The following PPP2R5E variants were observed in gnomAD, a reference collection of about 807,000 sequenced individuals.
PPP2R5E encodes serine/threonine-protein phosphatase 2A 56 kDa regulatory subunit epsilon isoform.
A neutral mutation model predicts 65.3 loss-of-function variants in PPP2R5E; 4 were observed. The observed-to-expected ratio is 0.06, with a 90% CI of 0.03 to 0.14. The LOEUF (loss-of-function observed/expected upper bound fraction) is 0.14, where lower values mean the gene tolerates loss of function less well. Ranked by LOEUF, PPP2R5E falls within the 10% of genes least tolerant of loss-of-function variation. PPP2R5E has a pLI of 1.00. For synonymous variants in PPP2R5E, 183 were observed against 187.4 expected (o/e 0.98, Z 0.19); for missense variants, 274 against 556.1 (o/e 0.49, Z 5.10).
At chr14:63,482,061 G>A (rs1009590170) in intron 2 of PPP2R5E, among the ~76,000 whole-genome samples, 33 of 152,094 alleles carry the variant, frequency 2.2e-4, no homozygotes, top group African/African-American at 7.2e-4. Flanking sequence ...GAAATTACAC[G>A]TTATGCAACT....
At chr14:63,431,088 T>G (rs1295621662) in intron 3 of PPP2R5E, among the ~76,000 whole-genome samples, 2 of 151,984 alleles carry the variant, frequency 1.3e-5, no homozygotes, top group Admixed American at 6.6e-5. Context: ...GCCAACATGG[T>G]GAAACCCCAT....
At chr14:63,406,745 A>AG (rs1886114762) in intron 5 of PPP2R5E, among the ~76,000 whole-genome samples, 1 of 152,244 alleles carries the variant, frequency 6.6e-6, no homozygotes, top group South Asian at 2.1e-4. Flanking sequence ...CACTGATTGG[A>AG]GGAAATCAGT....
intron 2 of PPP2R5E, among the ~76,000 whole-genome samples, chr14:63,491,029 C>T (rs1237208802): frequency 6.6e-6 from 1 of 151,912 alleles, no homozygotes; most frequent in Non-Finnish European, 1.5e-5. Flanking sequence ...GGAACATATA[C>T]ACCATGGAAT....
At chr14:63,493,697 T>C (rs1401165008) in intron 2 of PPP2R5E, among the ~76,000 whole-genome samples, 2 of 152,066 alleles carry the variant, frequency 1.3e-5, no homozygotes, top group Non-Finnish European at 2.9e-5. Flanking sequence ...CTGATATTAC[T>C]AAACATGAAG....
At chr14:63,446,544 A>G (rs1308774311) in intron 3 of PPP2R5E, among the ~76,000 whole-genome samples, 1 of 152,134 alleles carries the variant, frequency 6.6e-6, no homozygotes, top group Non-Finnish European at 1.5e-5. Context: ...TGAAAACAAC[A>G]TTCGGCCGGG....
chr14:63,497,172 T>A (rs1338399113), intron 2 of PPP2R5E, among the ~76,000 whole-genome samples: 1 of 152,132 alleles, frequency 6.6e-6, no homozygotes, highest in Non-Finnish European at 1.5e-5. Context: ...AAACATGCAA[T>A]ACCTATATGA....
intron 2 of PPP2R5E, among the ~76,000 whole-genome samples, chr14:63,475,834 T>C (rs1008818189): frequency 2.6e-5 from 4 of 152,164 alleles, no homozygotes; most frequent in Non-Finnish European, 4.4e-5. Context: ...AGGAAAAAGT[T>C]TCCATCCAAA....
intron 2 of PPP2R5E, among the ~76,000 whole-genome samples, chr14:63,525,126 A>C (rs1237923119): frequency 6.6e-6 from 1 of 152,214 alleles, no homozygotes; most frequent in African/African-American, 2.4e-5. Context: ...AGCTTAAATG[A>C]GACGCCATGT....
intron 2 of PPP2R5E, among the ~76,000 whole-genome samples, chr14:63,494,101 A>T (rs1167476839): frequency 1.3e-5 from 2 of 152,140 alleles, no homozygotes; most frequent in Non-Finnish European, 2.9e-5. Context: ...ACACAGAGAT[A>T]TGTCTTAAGT....
intron 5 of PPP2R5E, among the ~76,000 whole-genome samples, chr14:63,407,253 C>T (rs936716784): frequency 6.6e-5 from 10 of 152,260 alleles, no homozygotes; most frequent in Admixed American, 5.2e-4. Flanking sequence ...GTACACTTAA[C>T]CACCAATCTA....
intron 3 of PPP2R5E, among the ~76,000 whole-genome samples, chr14:63,432,784 A>G (rs529648232): frequency 2.0e-5 from 3 of 152,308 alleles, no homozygotes; most frequent in Admixed American, 6.5e-5. Flanking sequence ...AGTTAATAGA[A>G]GCAGAATTTA....
At chr14:63,486,100 G>T (rs559101188) in intron 2 of PPP2R5E, among the ~76,000 whole-genome samples, 2 of 152,020 alleles carry the variant, frequency 1.3e-5, no homozygotes, top group East Asian at 3.9e-4. Context: ...AAAGTGCTGG[G>T]ATTATAGGCA....
intron 4 of PPP2R5E, among the ~76,000 whole-genome samples, chr14:63,420,282 C>T (rs186983469): frequency 8.6e-4 from 131 of 152,266 alleles, no homozygotes; most frequent in African/African-American, 3.1e-3. Flanking sequence ...CCAGACTAAA[C>T]TGTAATTCAA....
intron 2 of PPP2R5E, among the ~76,000 whole-genome samples, chr14:63,484,394 C>T (rs1322867752): frequency 6.8e-6 from 1 of 147,802 alleles, no homozygotes; most frequent in African/African-American, 2.5e-5. Context: ...CACAAAGAAT[C>T]GTATCAAGTG....
Position 63,403,131 on chromosome 14 carries a change from A to G in PPP2R5E, c.550-6415T>C, listed in dbSNP as rs558273331. Among the ~76,000 whole-genome samples, 5 of 152,304 alleles carry G rather than the reference A, an allele frequency of 3.3e-5. No homozygotes were observed. In the South Asian group the frequency reaches 1.0e-3, roughly 32 times the overall value. ...ATTTACACTTAGCCAAAATGTCAAT[A>G]AAGTATGTAGGCAGGCAGGGCACAG... On this transcript the variant is annotated intron_variant, in intron 5 of 13. Coordinates refer to ENST00000337537, the MANE Select transcript of PPP2R5E (RefSeq NM_006246.5).
chr14:63,527,272 C>T (rs929411949), intron 2 of PPP2R5E, among the ~76,000 whole-genome samples: 2 of 152,178 alleles, frequency 1.3e-5, no homozygotes, highest in Non-Finnish European at 2.9e-5. Context: ...ATTCTGATTC[C>T]AGAAACAAGA....
chr14:63,503,693 A>G (rs934101937), intron 2 of PPP2R5E, among the ~76,000 whole-genome samples: 8 of 152,194 alleles, frequency 5.3e-5, no homozygotes, highest in Non-Finnish European at 1.2e-4. Flanking sequence ...AATTTACTAT[A>G]TAGTTTAATG....
intron 2 of PPP2R5E, among the ~76,000 whole-genome samples, chr14:63,522,690 GA>G (rs1892981899): frequency 6.6e-6 from 1 of 151,118 alleles, no homozygotes; most frequent in African/African-American, 2.4e-5. Flanking sequence ...CGTCTGGGAG[GA>G]GAGGAGCGTC....
chr14:63,409,094 G>A (rs1485229087), intron 5 of PPP2R5E, among the ~76,000 whole-genome samples: 3 of 152,254 alleles, frequency 2.0e-5, no homozygotes, highest in East Asian at 1.9e-4. Context: ...TTAGCCAGCC[G>A]TAGTGGCGAG....
Sources: gnomAD v4.1 joint callset for allele counts (sites outside exome capture counted in the v4.1 genomes callset) on GRCh38, gnomAD v4.1.1 for gene constraint, MANE v1.5 for transcripts, NCBI Gene and HGNC (gene_info 2026-07-23, HGNC 2026-07-21) for gene names.